Variants in TMEM117 observed in about 807,000 individuals in gnomAD.
TMEM117 encodes the protein transmembrane protein 117.
TMEM117 carries 27 observed loss-of-function variants against 52.4 expected under a neutral mutation model. The ratio of observed to expected loss-of-function variants is 0.51; its 90% CI spans 0.38 to 0.71. The LOEUF is 0.71. Ranked by LOEUF, TMEM117 falls within the 30% of genes least tolerant of loss-of-function variation. The probability of loss-of-function intolerance (pLI) is 0.00; values close to 1 mark genes in which losing one functional copy is unlikely to be tolerated. For synonymous variants in TMEM117, 215 were observed against 206.3 expected (o/e 1.04, Z -0.36); for missense variants, 556 against 630.5 (o/e 0.88, Z 1.26).
At chr12:44,285,358 C>G (rs760516342) in intron 5 of TMEM117, among the ~76,000 whole-genome samples, 45 of 152,186 alleles carry the variant, frequency 3.0e-4, no homozygotes, top group Non-Finnish European at 2.4e-4. Context: ...ATTTCCTTTA[C>G]AGACTCCAGA....
At chr12:44,311,911 G>GTA (rs1317170037) in intron 6 of TMEM117, among the ~76,000 whole-genome samples, 19 of 140,582 alleles carry the variant, frequency 1.4e-4, no homozygotes, top group African/African-American at 4.9e-4. Context: ...ATATATATGT[G>GTA]TGTATATATA....
intron 6 of TMEM117, among the ~76,000 whole-genome samples, chr12:44,332,527 A>G (rs1951284507): frequency 6.6e-6 from 1 of 152,080 alleles, no homozygotes; most frequent in Admixed American, 6.6e-5. Context: ...GTTAAAAGTT[A>G]TAATCCTGGC....
At chr12:43,925,077 C>T (rs1944756849) in intron 2 of TMEM117, among the ~76,000 whole-genome samples, 1 of 152,098 alleles carries the variant, frequency 6.6e-6, no homozygotes, top group African/African-American at 2.4e-5. Flanking sequence ...TGTCCTCGTG[C>T]CGTAATAGTT....
intron 6 of TMEM117, among the ~76,000 whole-genome samples, chr12:44,329,152 G>A (rs1681640765): frequency 2.0e-5 from 3 of 151,982 alleles, no homozygotes; most frequent in Non-Finnish European, 4.4e-5. Context: ...TATAACAGTG[G>A]CCCAAATGTA....
At chr12:44,189,150 AAT>A (rs1320670056) in intron 4 of TMEM117, among the ~76,000 whole-genome samples, 2 of 152,174 alleles carry the variant, frequency 1.3e-5, no homozygotes, top group African/African-American at 4.8e-5. Context: ...TCTGTCAAAC[AAT>A]ATGTCTTATT....
At chr12:43,821,304 G>T in the TMEM117 span, among the ~76,000 whole-genome samples, 16,003 of 152,070 alleles carry the variant, frequency 0.11, 963 homozygotes, top group African/African-American at 0.13. Flanking sequence ...TGAACCTTGG[G>T]TGCCCACAGA....
At chr12:44,323,403 C>T (rs1321383494) in intron 6 of TMEM117, among the ~76,000 whole-genome samples, 1 of 152,122 alleles carries the variant, frequency 6.6e-6, no homozygotes. Flanking sequence ...GTCAAACATA[C>T]CCTATTGCTC....
chr12:44,236,458 T>C (rs1949998218), intron 5 of TMEM117, among the ~76,000 whole-genome samples: 1 of 152,138 alleles, frequency 6.6e-6, no homozygotes, highest in African/African-American at 2.4e-5. Context: ...TGTGTTTTTG[T>C]CAAAGCTGCC....
chr12:44,086,339 G>C (rs930345640), intron 3 of TMEM117, among the ~76,000 whole-genome samples: 2 of 147,302 alleles, frequency 1.4e-5, no homozygotes, highest in African/African-American at 5.3e-5. Flanking sequence ...TCAGCTTCCT[G>C]AGTAAGTGTG....
intron 6 of TMEM117, among the ~76,000 whole-genome samples, chr12:44,335,215 G>A (rs922493590): frequency 6.6e-6 from 1 of 152,036 alleles, no homozygotes; most frequent in Non-Finnish European, 1.5e-5. Context: ...GGAAGCACTT[G>A]AAAATTCAGA....
chr12:44,269,493 T>C (rs2138563229), intron 5 of TMEM117, among the ~76,000 whole-genome samples: 1 of 149,282 alleles, frequency 6.7e-6, no homozygotes, highest in African/African-American at 2.4e-5. Context: ...ATTATTCTTA[T>C]TTTTTTTTTA....
rs184118677 is a variant in TMEM117, at chr12:44,114,805, A to T, written c.411-28720A>T. On this transcript the variant is annotated intron_variant, in intron 3 of 7. Transcript: ENST00000266534. Reference sequence around the variant, plus strand: ...TTATTCTTCTGTGCGTTTAGCTAATAGAACAAACATTACTGTTTCCTATAA... The same window carrying T: ...TTATTCTTCTGTGCGTTTAGCTAATTGAACAAACATTACTGTTTCCTATAA... 3.3e-3 allele frequency among the ~76,000 whole-genome samples: 498 copies of T among 152,314 alleles called. 3 individuals carry two copies. Among genetic ancestry groups the T allele is most frequent in the African/African-American group, 0.011 (473 of 41,580 alleles).
chr12:44,071,687 C>T (rs1031780674), intron 3 of TMEM117, among the ~76,000 whole-genome samples: 1 of 151,924 alleles, frequency 6.6e-6, no homozygotes, highest in Non-Finnish European at 1.5e-5. Context: ...TAGCAAAACT[C>T]GAGGGAAAAA....
chr12:44,004,743 C>T (rs1946167398), intron 3 of TMEM117, among the ~76,000 whole-genome samples: 1 of 152,140 alleles, frequency 6.6e-6, no homozygotes, highest in Admixed American at 6.5e-5. Context: ...CCCCAGCCAT[C>T]ACCTCCCCTC....
chr12:43,908,739 A>G (rs1944437692), intron 2 of TMEM117, among the ~76,000 whole-genome samples: 1 of 152,114 alleles, frequency 6.6e-6, no homozygotes. Flanking sequence ...AAAGATCAAA[A>G]CAGACAAAGA....
chr12:44,055,912 T>G (rs1384366800), intron 3 of TMEM117, among the ~76,000 whole-genome samples: 1 of 152,176 alleles, frequency 6.6e-6, no homozygotes, highest in Non-Finnish European at 1.5e-5. Context: ...TTATATAAAC[T>G]GTTACACTTT....
chr12:44,222,967 A>G (rs563423314), intron 5 of TMEM117, among the ~76,000 whole-genome samples: 167 of 143,466 alleles, frequency 1.2e-3, no homozygotes, highest in African/African-American at 4.6e-3. Flanking sequence ...ATTTAATAGT[A>G]AGTGTGAACC....
intron 2 of TMEM117, among the ~76,000 whole-genome samples, chr12:43,912,402 A>G (rs1175052814): frequency 6.6e-6 from 1 of 151,648 alleles, no homozygotes; most frequent in Middle Eastern, 3.4e-3. Flanking sequence ...ATGCTAGATG[A>G]CGAGTTAGTG....
intron 2 of TMEM117, among the ~76,000 whole-genome samples, chr12:43,908,134 T>C (rs1483682399): frequency 1.6e-5 from 1 of 61,912 alleles, no homozygotes; most frequent in African/African-American, 3.1e-5. Context: ...CCCATCAGAC[T>C]AACAGCGGAT....
Sources: allele counts gnomAD v4.1 joint callset (sites outside exome capture counted in the v4.1 genomes callset), GRCh38; gene constraint gnomAD v4.1.1; transcripts MANE v1.5; gene names NCBI Gene and HGNC (gene_info 2026-07-23, HGNC 2026-07-21).